ADAMTS17: variants seen among roughly 807,000 people sequenced by gnomAD.
The protein encoded by ADAMTS17 is ADAM metallopeptidase with thrombospondin type 1 motif 17.
ADAMTS17 carries 113 observed loss-of-function variants against 141.5 expected under a neutral mutation model. The observed-to-expected ratio is 0.80, with a 90% CI of 0.69 to 0.93. ADAMTS17 has a LOEUF of 0.93. Among genes scored for constraint, ADAMTS17 ranks in the 40% least tolerant of loss-of-function variants. ADAMTS17 has a pLI of 0.00. For synonymous variants in ADAMTS17, 768 were observed against 630.6 expected (o/e 1.22, Z -3.27); for missense variants, 1,659 against 1,517.9 (o/e 1.09, Z -1.54).
At chr15:99,989,781 T>C (rs1166444867) in intron 20 of ADAMTS17, among the ~76,000 whole-genome samples, 1 of 152,172 alleles carries the variant, frequency 6.6e-6, no homozygotes, top group African/African-American at 2.4e-5. Flanking sequence ...CAGAATGGGT[T>C]ATAACCCTGG....
In ADAMTS17 at chr15:99,974,226, T is replaced by A. The variant is rs1596123579; in HGVS notation, c.*176A>T. On this transcript the variant is annotated 3_prime_UTR_variant, in exon 22 of 22. Coordinates refer to ENST00000268070, the MANE Select transcript of ADAMTS17 (RefSeq NM_139057.4). ...ACTGTAGAAAGCCAGCCAGTGGCTG[T>A]TAACAATATATTAAGTACGGAAGCA... 4.0e-6 allele frequency: 3 copies of A among 743,916 alleles called. No homozygotes were observed. The African/African-American group carries it at 5.3e-5, about 13-fold the overall frequency. 46.1% of individuals were successfully genotyped at this position (743,916 alleles called of 1,614,324 possible).
At chr15:100,253,649 C>G (rs183968464) in intron 7 of ADAMTS17, among the ~76,000 whole-genome samples, 11 of 152,194 alleles carry the variant, frequency 7.2e-5, no homozygotes, top group Admixed American at 7.2e-4. Context: ...CACTAAAAAG[C>G]AAGTAGCCTG....
At chr15:100,334,555 G>A (rs1271421956) in intron 2 of ADAMTS17, among the ~76,000 whole-genome samples, 1 of 152,038 alleles carries the variant, frequency 6.6e-6, no homozygotes, top group Non-Finnish European at 1.5e-5. Flanking sequence ...CTGACTCTCC[G>A]GCGGGCACAC....
intron 14 of ADAMTS17, among the ~76,000 whole-genome samples, chr15:100,097,188 T>G (rs1379406082): frequency 1.3e-5 from 2 of 152,210 alleles, no homozygotes; most frequent in Non-Finnish European, 1.5e-5. Flanking sequence ...AAAGTGAGAA[T>G]TTTGTATCCT....
intron 12 of ADAMTS17, among the ~76,000 whole-genome samples, chr15:100,131,553 C>T (rs968680621): frequency 9.9e-5 from 15 of 152,016 alleles, no homozygotes; most frequent in Admixed American, 8.5e-4. Context: ...AACTAAATCA[C>T]ATTTTTTCTA....
intron 3 of ADAMTS17, among the ~76,000 whole-genome samples, chr15:100,327,291 A>G (rs1020958283): frequency 6.6e-5 from 10 of 152,244 alleles, no homozygotes; most frequent in Non-Finnish European, 1.5e-4. Context: ...ACTCATTGAC[A>G]TTACCTTTAT....
At chr15:100,258,337 G>A (rs899650682) in intron 6 of ADAMTS17, among the ~76,000 whole-genome samples, 1 of 152,148 alleles carries the variant, frequency 6.6e-6, no homozygotes, top group African/African-American at 2.4e-5. Context: ...CCCATCGATG[G>A]TGCACAGAAG....
At chr15:100,266,362 G>A (rs543349741) in intron 4 of ADAMTS17, among the ~76,000 whole-genome samples, 5 of 152,346 alleles carry the variant, frequency 3.3e-5, no homozygotes, top group South Asian at 4.1e-4. Context: ...GCTGCTGGGC[G>A]CCTGGCCCGA....
chr15:100,270,669 T>C (rs951594712), intron 4 of ADAMTS17, among the ~76,000 whole-genome samples: 7 of 151,542 alleles, frequency 4.6e-5, no homozygotes, highest in African/African-American at 1.7e-4. Context: ...GTTGATGGTG[T>C]AGACATAGGC....
chr15:100,155,065 G>A (rs918226974), intron 9 of ADAMTS17, 115 bp downstream of exon 9: 6 of 1,519,688 alleles, frequency 3.9e-6, no homozygotes, highest in Non-Finnish European at 5.4e-6. Context: ...GAGGCTAGAT[G>A]CAAATCCCAA....
At chr15:100,135,952 C>A (rs2038309043) in intron 10 of ADAMTS17, among the ~76,000 whole-genome samples, 1 of 152,154 alleles carries the variant, frequency 6.6e-6, no homozygotes, top group Admixed American at 6.5e-5. Context: ...CAATGGGGCA[C>A]AATGGGTCCT....
At chr15:100,068,392 T>A (rs187796045) in intron 15 of ADAMTS17, among the ~76,000 whole-genome samples, 1 of 152,300 alleles carries the variant, frequency 6.6e-6, no homozygotes, top group East Asian at 1.9e-4. Context: ...TCTGACAGCC[T>A]TGAAGAGAGT....
Position 100,152,663 on chromosome 15 carries a change from C to T in ADAMTS17, c.1422G>A (p.Glu474=), listed in dbSNP as rs764436462. 1.2e-6 allele frequency: 2 copies of T among 1,614,158 alleles called. No homozygotes were observed. The highest frequency in any genetic ancestry group is 2.2e-5 in the South Asian group (2 of 91,086). ...TCATGCCAAACAGGATCTGGCACTG[C>T]TCGTTGGCACTGTAGTGCATGCCCG... ...KLPGMHYSAN[E]QCQILFGMNA... is the part of the protein sequence containing the mutation. The change falls in exon 10 of 22, where the codon GAG becomes GAA. Residue 474 remains glutamate (E), a synonymous_variant. Coordinates refer to ENST00000268070, the MANE Select transcript of ADAMTS17 (RefSeq NM_139057.4).
chr15:100,183,844 C>T (rs2040609439), intron 8 of ADAMTS17, among the ~76,000 whole-genome samples: 1 of 152,168 alleles, frequency 6.6e-6, no homozygotes, highest in Admixed American at 6.5e-5. Context: ...TTTCAGAGGC[C>T]CTGCAATGTT....
chr15:100,048,777 A>T, intron 18 of ADAMTS17, 80 bp downstream of exon 18: 1 of 1,598,406 alleles, frequency 6.3e-7, no homozygotes, highest in Non-Finnish European at 8.6e-7. Flanking sequence ...TGTGGCATTA[A>T]CTGCATATCA....
chr15:100,127,534 T>G (rs2037805144), intron 12 of ADAMTS17, among the ~76,000 whole-genome samples: 1 of 152,370 alleles, frequency 6.6e-6, no homozygotes, highest in South Asian at 2.1e-4. Flanking sequence ...GCCTCGTGTG[T>G]GACGTTGGGC....
At position 100,116,132 on chromosome 15, in the gene ADAMTS17, T is replaced by TAAAAAAAAAAAAAA. The variant is rs34003703; in HGVS notation, c.1888+701_1888+714dup. ...TTTCCTAAAGAAGAACAGTTTTAGGTAAAAAAAAAAAAAAAAAAAAAAAAA... is the reference window on the plus strand; with the variant it reads ...TTTCCTAAAGAAGAACAGTTTTAGGTAAAAAAAAAAAAAAAAAAAAAAAAAAAAAAAAAAAAAAA... On this transcript the variant is annotated intron_variant, in intron 13 of 21. Coordinates refer to ENST00000268070, the MANE Select transcript of ADAMTS17 (RefSeq NM_139057.4). Among the ~76,000 whole-genome samples, 71 of 84,764 alleles carry TAAAAAAAAAAAAAA rather than the reference T, an allele frequency of 8.4e-4. 2 individuals are homozygous for TAAAAAAAAAAAAAA. Among genetic ancestry groups the TAAAAAAAAAAAAAA allele is most frequent in the African/African-American group, 2.7e-3 (57 of 21,276 alleles). 55.6% of individuals were successfully genotyped at this position (84,764 alleles called of 152,430 possible).
intron 14 of ADAMTS17, among the ~76,000 whole-genome samples, chr15:100,099,359 G>A (rs550199065): frequency 3.3e-5 from 5 of 152,204 alleles, no homozygotes; most frequent in Non-Finnish European, 7.3e-5. Flanking sequence ...TTCAGTCAGC[G>A]CAAGCAACTT....
At chr15:100,202,965 C>A (rs1455846772) in intron 7 of ADAMTS17, among the ~76,000 whole-genome samples, 3 of 151,082 alleles carry the variant, frequency 2.0e-5, no homozygotes, top group Non-Finnish European at 4.4e-5. Context: ...CTCCACAGAT[C>A]ACAGAACTTA....
Sources: gnomAD v4.1 joint callset for allele counts (sites outside exome capture counted in the v4.1 genomes callset) on GRCh38, gnomAD v4.1.1 for gene constraint, MANE v1.5 for transcripts, NCBI Gene and HGNC (gene_info 2026-07-23, HGNC 2026-07-21) for gene names.